Variants in KCNQ3 observed in about 807,000 individuals in gnomAD.
KCNQ3 encodes the protein potassium voltage-gated channel subfamily Q member 3, also known as potassium voltage-gated channel subfamily KQT member 3.
Under a neutral mutation model 92.5 loss-of-function variants are expected in KCNQ3, and 30 were observed. That is an observed-to-expected ratio of 0.32 (90% CI 0.24 to 0.44). KCNQ3 has a LOEUF of 0.44. Ranked by LOEUF, KCNQ3 falls within the 20% of genes least tolerant of loss-of-function variation. The pLI, the probability that KCNQ3 is intolerant of heterozygous loss-of-function variation, is 1.00. For synonymous variants in KCNQ3, 450 were observed against 468.8 expected (o/e 0.96, Z 0.52); for missense variants, 913 against 1,140.3 (o/e 0.80, Z 2.87).
chr8:132,460,850 C>T (rs7843653), intron 1 of KCNQ3, among the ~76,000 whole-genome samples: 34,658 of 152,004 alleles, frequency 0.23, 4,207 homozygotes, highest in East Asian at 0.37. Context: ...AATAATTTCA[C>T]CACCCTAAAA....
intron 1 of KCNQ3, among the ~76,000 whole-genome samples, chr8:132,341,388 C>T (rs916005011): frequency 6.6e-6 from 1 of 152,078 alleles, no homozygotes; most frequent in African/African-American, 2.4e-5. Context: ...GTCAAATGTC[C>T]CCTCTTTCTG....
intron 1 of KCNQ3, among the ~76,000 whole-genome samples, chr8:132,375,480 T>C (rs1819582768): frequency 6.6e-6 from 1 of 152,172 alleles, no homozygotes; most frequent in Non-Finnish European, 1.5e-5. Flanking sequence ...TGTACACCCC[T>C]GTGAGAATGC....
At chr8:132,299,192 A>T (rs1273572662) in intron 1 of KCNQ3, among the ~76,000 whole-genome samples, 1 of 150,096 alleles carries the variant, frequency 6.7e-6, no homozygotes, top group Non-Finnish European at 1.5e-5. Flanking sequence ...ATGGTACATG[A>T]GAAGATATTT....
intron 12 of KCNQ3, among the ~76,000 whole-genome samples, chr8:132,136,476 A>G (rs2469617): frequency 0.85 from 129,580 of 152,182 alleles, 55,580 homozygotes; most frequent in Middle Eastern, 0.96. Flanking sequence ...GAAAAAAAAA[A>G]TCACATATGG....
At chr8:132,244,221 T>C (rs1203701435) in intron 1 of KCNQ3, among the ~76,000 whole-genome samples, 2 of 152,232 alleles carry the variant, frequency 1.3e-5, no homozygotes, top group East Asian at 3.8e-4. Context: ...ACTTGAATTA[T>C]AGTTTGACAT....
At chr8:132,308,761 G>A (rs952650376) in intron 1 of KCNQ3, among the ~76,000 whole-genome samples, 5 of 152,178 alleles carry the variant, frequency 3.3e-5, no homozygotes, top group Admixed American at 1.3e-4. Context: ...ACAGAAGAAT[G>A]TTATCATCCC....
At chr8:132,259,948 GTA>G (rs1815720827) in intron 1 of KCNQ3, among the ~76,000 whole-genome samples, 1 of 152,038 alleles carries the variant, frequency 6.6e-6, no homozygotes, top group Non-Finnish European at 1.5e-5. Context: ...AGTACAAGAC[GTA>G]CAAGGCTTGT....
intron 1 of KCNQ3, among the ~76,000 whole-genome samples, chr8:132,401,550 A>G (rs1465133457): frequency 6.6e-6 from 1 of 152,036 alleles, no homozygotes; most frequent in Non-Finnish European, 1.5e-5. Flanking sequence ...TAATTTTTGT[A>G]TTTTTAGTAG....
intron 1 of KCNQ3, among the ~76,000 whole-genome samples, chr8:132,359,950 C>G (rs1395375482): frequency 1.3e-5 from 2 of 152,200 alleles, no homozygotes; most frequent in Non-Finnish European, 2.9e-5. Context: ...GCACTGGCCC[C>G]TTGGATCTGA....
chr8:132,227,315 C>G (rs1379501736), intron 1 of KCNQ3, among the ~76,000 whole-genome samples: 1 of 152,094 alleles, frequency 6.6e-6, no homozygotes, highest in African/African-American at 2.4e-5. Flanking sequence ...CCGCCTCGGC[C>G]TCCCAAAGTG....
chr8:132,141,456 C>G (rs1214707219), intron 9 of KCNQ3, 125 bp from the exon 10 acceptor site: 4 of 830,432 alleles, frequency 4.8e-6, no homozygotes, highest in Non-Finnish European at 8.0e-6. Context: ...TTTCACAGTG[C>G]TGAATCTGAC....
intron 9 of KCNQ3, among the ~76,000 whole-genome samples, chr8:132,146,164 T>A (rs1825441266): frequency 6.6e-6 from 1 of 152,262 alleles, no homozygotes; most frequent in African/African-American, 2.4e-5. Context: ...TATTTGAAGT[T>A]TGCATTTTAA....
chr8:132,265,642 T>C (rs1239808951), intron 1 of KCNQ3, among the ~76,000 whole-genome samples: 1 of 152,240 alleles, frequency 6.6e-6, no homozygotes, highest in Non-Finnish European at 1.5e-5. Flanking sequence ...TGCATCAGTA[T>C]GGCAGATTTT....
chr8:132,381,624 T>C (rs534059781), intron 1 of KCNQ3, among the ~76,000 whole-genome samples: 15 of 152,360 alleles, frequency 9.8e-5, no homozygotes, highest in Admixed American at 7.2e-4. Flanking sequence ...AAATAACTTA[T>C]TGAGCACCTA....
intron 1 of KCNQ3, among the ~76,000 whole-genome samples, chr8:132,247,782 G>C (rs2005160): frequency 0.54 from 80,689 of 148,598 alleles, 23,578 homozygotes; most frequent in East Asian, 0.78. Context: ...TGGGCAACAA[G>C]AACAAAACTC....
chr8:132,260,843 A>T (rs892423575), intron 1 of KCNQ3, among the ~76,000 whole-genome samples: 1 of 152,030 alleles, frequency 6.6e-6, no homozygotes, highest in African/African-American at 2.4e-5. Context: ...CCAACCATCC[A>T]TCCAAACATC....
chr8:132,187,879 A>G (rs1419544084), intron 1 of KCNQ3, among the ~76,000 whole-genome samples: 49 of 112,690 alleles, frequency 4.3e-4, no homozygotes, highest in Non-Finnish European at 6.5e-4. Context: ...GGTGATAGTG[A>G]TGGTGGCGGT....
At chr8:132,375,292 A>G (rs1243483103) in intron 1 of KCNQ3, among the ~76,000 whole-genome samples, 2 of 152,178 alleles carry the variant, frequency 1.3e-5, no homozygotes, top group African/African-American at 4.8e-5. Flanking sequence ...TATATTTATG[A>G]AAAAATCACT....
intron 1 of KCNQ3, among the ~76,000 whole-genome samples, chr8:132,194,090 A>G (rs1226941507): frequency 3.3e-5 from 5 of 152,216 alleles, no homozygotes; most frequent in African/African-American, 1.2e-4. Flanking sequence ...TGTAGCCCTC[A>G]AAATGTCCTA....
Sources: allele counts gnomAD v4.1 joint callset (sites outside exome capture counted in the v4.1 genomes callset), GRCh38; gene constraint gnomAD v4.1.1; transcripts MANE v1.5; gene names NCBI Gene and HGNC (gene_info 2026-07-23, HGNC 2026-07-21).